The following RADIL variants were observed in gnomAD, a reference collection of about 807,000 sequenced individuals.
The protein encoded by RADIL is ras-associating and dilute domain-containing protein.
In RADIL, 99 loss-of-function variants were observed where a neutral mutation model predicts 97.6. The ratio of observed to expected loss-of-function variants is 1.01; its 90% CI spans 0.86 to 1.20. The LOEUF (loss-of-function observed/expected upper bound fraction) is 1.20, where lower values mean the gene tolerates loss of function less well. RADIL is among the 50% of genes most tolerant of loss of function. The pLI is 0.00. For synonymous variants in RADIL, 803 were observed against 691.8 expected (o/e 1.16, Z -2.52); for missense variants, 1,765 against 1,498.9 (o/e 1.18, Z -2.93).
chr7:4,835,866 G>A lies in RADIL; in HGVS notation c.783+492C>T, dbSNP rs1052151236. On this transcript the variant is annotated intron_variant, in intron 3 of 14. Coordinates refer to ENST00000399583, the MANE Select transcript of RADIL (RefSeq NM_018059.5). The surrounding 1 kb of genome is among the most constrained non-coding windows in gnomAD (Gnocchi z 5.8). ...CCTGCGCCTGGCATTTGCTCGGGGC[G>A]ACAGCCTGCCTGCTCTGATGGAAGT... is the stretch of plus-strand genomic sequence containing the variant. Among the ~76,000 whole-genome samples, 5 of 152,264 alleles carry A rather than the reference G, an allele frequency of 3.3e-5. No individual in the cohort carries two copies. The highest frequency in any genetic ancestry group is 2.1e-4 in the South Asian group (1 of 4,832).
chr7:4,823,313 T>A (rs552093423), intron 5 of RADIL, among the ~76,000 whole-genome samples: 138 of 149,488 alleles, frequency 9.2e-4, no homozygotes, highest in African/African-American at 3.3e-3. Flanking sequence ...AACATTAGTC[T>A]GGCTAATTAT....
Position 4,803,728 on chromosome 7 carries a change from G to C in RADIL, c.2317C>G (p.Pro773Ala). 1 of 1,566,120 alleles carries C rather than the reference G, an allele frequency of 6.4e-7. No homozygotes were observed. The highest frequency in any genetic ancestry group is 8.6e-7 in the Non-Finnish European group (1 of 1,156,134). Residue 773 changes from proline to alanine, a missense_variant, in exon 11 of 15, where the codon CCC (proline) becomes GCC (alanine). Pro to Ala is a conservative substitution (Grantham distance 27). Transcript: ENST00000399583. The part of the protein sequence containing the change: ...SEDVLESYEN[P>A]PPIVLPSDGF... ...TCGCTGGGCAGGACGATGGGTGGGG[G>C]GTTTTCGTAGGACTCCAGAACATCC...
chr7:4,859,080 C>T (rs1783906742), intron 2 of RADIL: 2 of 152,152 alleles, frequency 1.3e-5, no homozygotes, highest in South Asian at 4.1e-4. Context: ...ATGTCAAAAA[C>T]ATACCTTAAA....
Position 4,878,967 on chromosome 7 carries a change from G to A in RADIL, c.-64-764C>T, listed in dbSNP as rs4720436. On this transcript the variant is annotated intron_variant, in intron 1 of 14. Transcript: ENST00000399583. The surrounding 1 kb of genome is among the most constrained non-coding windows in gnomAD (Gnocchi z 4.1). ...AGGAAAACAGGCGAATCGCAGCCAC[G>A]TTGGCAGAATAGACCATCAGACATT... 0.21 allele frequency among the ~76,000 whole-genome samples: 32,694 copies of A among 152,196 alleles called. 4,372 individuals carry two copies. The highest frequency in any genetic ancestry group is 0.34 in the South Asian group (1,631 of 4,826).
chr7:4,864,998 C>T lies in RADIL; in HGVS notation c.535+12607G>A, dbSNP rs962909767. Among the ~76,000 whole-genome samples the T allele has an allele frequency of 2.6e-5, 4 of 152,206 alleles. No homozygotes were observed. In the East Asian group the frequency reaches 7.7e-4, roughly 29 times the overall value. ...CTAGCCGCACCTTCTGCAACTTTCC[C>T]CTCTGCACCAGCTGCAATGGCCTTC... On this transcript the variant is annotated intron_variant, in intron 2 of 14. Coordinates refer to ENST00000399583, the MANE Select transcript of RADIL (RefSeq NM_018059.5).
chr7:4,867,340 T>C lies in RADIL; in HGVS notation c.535+10265A>G, dbSNP rs1255492572. Among the ~76,000 whole-genome samples, 3 of 152,170 alleles carry C rather than the reference T, an allele frequency of 2.0e-5. No homozygotes were observed. Among genetic ancestry groups the C allele is most frequent in the African/African-American group, 7.2e-5 (3 of 41,452 alleles). ...TCTGCACAAGCCCTCAACAGGTTCA[T>C]TGTGTCACCATTTTAGTAGGAAGAA... On this transcript the variant is annotated intron_variant, in intron 2 of 14. Transcript: ENST00000399583. The surrounding 1 kb of genome is among the most constrained non-coding windows in gnomAD (Gnocchi z 4.1).
rs1176298801 is a variant in RADIL at position 4,816,427 on chromosome 7, C to T, written c.1767G>A (p.Pro589=). The change falls in exon 8 of 15, where the codon CCG becomes CCA. Residue 589 remains proline (P), a synonymous_variant. Coordinates refer to ENST00000399583, the MANE Select transcript of RADIL (RefSeq NM_018059.5). ...TCTCACGGCGCTCCGTCTGGAATGG[C>T]GGGCACTCCAGGAGTGCCGGGAGGC... is the stretch of plus-strand genomic sequence containing the variant. ...YICLPALLEC[P]PFQTERRESW... is the part of the protein sequence containing the mutation. 27 of 1,607,848 alleles carry T rather than the reference C, an allele frequency of 1.7e-5. No individual in the cohort carries two copies. Among genetic ancestry groups the T allele is most frequent in the African/African-American group, 2.7e-5 (2 of 74,992 alleles).
At chr7:4,812,650 G>C (rs935589032) in intron 9 of RADIL, among the ~76,000 whole-genome samples, 3 of 151,992 alleles carry the variant, frequency 2.0e-5, no homozygotes, top group African/African-American at 7.3e-5. Flanking sequence ...TCAAACTCCT[G>C]ACCTCAAATG....
chr7:4,831,015 C>T lies in RADIL; in HGVS notation c.1454+1126G>A, dbSNP rs1204780622. Among the ~76,000 whole-genome samples the T allele has an allele frequency of 2.1e-5, 3 of 144,754 alleles. No individual in the cohort carries two copies. In the East Asian group the frequency reaches 5.9e-4, roughly 28 times the overall value. 95.0% of individuals were successfully genotyped at this position (144,754 alleles called of 152,430 possible). A position where few individuals can be genotyped will look rare whatever the true frequency, so the allele number is the denominator to read the frequency against. On this transcript the variant is annotated intron_variant, in intron 5 of 14. Transcript: ENST00000399583. ...TAGCCTGGGCGACAGAGCGAGATGC[C>T]GTTTCAAAAAAAAAAAAAATACAAA...
At chr7:4,809,308 C>G (rs1782466502) in intron 9 of RADIL, 1 of 985,374 alleles carries the variant, frequency 1.0e-6, no homozygotes, top group Non-Finnish European at 1.2e-6. Flanking sequence ...GCCCTCGGCT[C>G]GGCCTAGTTT....
chr7:4,840,000 C>T (rs562825705), intron 2 of RADIL, among the ~76,000 whole-genome samples: 10 of 152,314 alleles, frequency 6.6e-5, no homozygotes, highest in South Asian at 2.1e-4. Context: ...CCGCCCACCT[C>T]GGCCTCCCAA....
rs2115010853 is a variant in RADIL, at chr7:4,842,211, G to A, written c.536-5606C>T. 6.6e-6 allele frequency among the ~76,000 whole-genome samples: 1 copy of A among 152,288 alleles called. No individual in the cohort carries two copies. The highest frequency in any genetic ancestry group is 2.4e-5 in the African/African-American group (1 of 41,572). ...AAAGTGCAGGGCGCCGGGGCAATGG[G>A]GAAGATGGGGATGGGACGGTCGTTG... On this transcript the variant is annotated intron_variant, in intron 2 of 14. Transcript: ENST00000399583. The surrounding 1 kb of genome is among the most constrained non-coding windows in gnomAD (Gnocchi z 4.5).
chr7:4,809,657 T>TTTA (rs1562430860), intron 9 of RADIL: 2 of 915,112 alleles, frequency 2.2e-6, no homozygotes, highest in African/African-American at 3.8e-5. Context: ...TTACATCTTA[T>TTTA]TTTATTTATT....
At chr7:4,860,291 T>C (rs745509284) in intron 2 of RADIL, 81 of 1,613,826 alleles carry the variant, frequency 5.0e-5, no homozygotes, top group Non-Finnish European at 8.5e-7. Context: ...TGAGTGTGCT[T>C]TCTTGTCCTG....
rs1057030381 is a variant in RADIL, at chr7:4,837,711, G to C, written c.536-1106C>G. The C allele has an allele frequency of 2.0e-6, 1 of 508,616 alleles. No homozygotes were observed. The highest frequency in any genetic ancestry group is 8.5e-5 in the South Asian group (1 of 11,726). The allele number at this position is 508,616 out of a possible 1,614,324, so 31.5% of individuals were successfully genotyped here. ...AACACATACATGCACACAAACATGC[G>C]CACAGTTCAGAGATAACACACACCC... On this transcript the variant is annotated intron_variant, in intron 2 of 14. Transcript: ENST00000399583. This position sits in a 1 kb window ranked among gnomAD's most constrained non-coding sequence, Gnocchi z 5.6.
At chr7:4,831,873 C>CAAACA (rs3031281) in intron 5 of RADIL, among the ~76,000 whole-genome samples, 26,446 of 151,652 alleles carry the variant, frequency 0.17, 2,655 homozygotes, top group East Asian at 0.35. Context: ...GGCGATAGAG[C>CAAACA]AAACAAAACA....
Position 4,801,769 on chromosome 7 carries a change from G to A in RADIL, c.2726C>T (p.Pro909Leu), listed in dbSNP as rs1000606679. The A allele has an allele frequency of 6.8e-6, 11 of 1,610,476 alleles. No homozygotes were observed. The highest frequency in any genetic ancestry group is 1.7e-5 in the Admixed American group (1 of 59,758). Reference sequence around the variant, plus strand: ...GGGGTCCCCAGGCTCAGGGCCAAGTGGAGTGCTGGGAGGCGTGAGCAAGCA... The same window carrying A: ...GGGGTCCCCAGGCTCAGGGCCAAGTAGAGTGCTGGGAGGCGTGAGCAAGCA... ...SSCLLTPPST[P>L]LGPEPGDPDW... Residue 909 changes from proline (P) to leucine (L), a missense_variant, in exon 12 of 15, where the codon CCA becomes CTA. Transcript: ENST00000399583.
chr7:4,853,816 A>C (rs1273716444), intron 2 of RADIL, among the ~76,000 whole-genome samples: 1 of 152,040 alleles, frequency 6.6e-6, no homozygotes, highest in Non-Finnish European at 1.5e-5. Flanking sequence ...TTCTAAATAT[A>C]TGTGTGTTGT....
rs1782874705 is a variant in RADIL, at chr7:4,822,901, G to T, written c.1455-347C>A. ...AGAGAATGTGTGCCAATATGTGTGT[G>T]TGTGCGTGTATGCGTGCATGGGGGT... On this transcript the variant is annotated intron_variant, in intron 5 of 14. Coordinates refer to ENST00000399583, the MANE Select transcript of RADIL (RefSeq NM_018059.5). This position sits in a 1 kb window ranked among gnomAD's most constrained non-coding sequence, Gnocchi z 5.3. Among the ~76,000 whole-genome samples, 1 of 152,168 alleles carries T rather than the reference G, an allele frequency of 6.6e-6. No individual in the cohort carries two copies. Among genetic ancestry groups the T allele is most frequent in the Non-Finnish European group, 1.5e-5 (1 of 68,026 alleles).
Sources: allele counts gnomAD v4.1 joint callset (sites outside exome capture counted in the v4.1 genomes callset), GRCh38; gene constraint gnomAD v4.1.1; non-coding constraint Gnocchi (gnomAD v3.1); transcripts MANE v1.5; gene names NCBI Gene and HGNC (gene_info 2026-07-23, HGNC 2026-07-21).